The following PDE4D variants were observed in gnomAD, a reference collection of about 807,000 sequenced individuals.
The protein encoded by PDE4D is 3',5'-cyclic-AMP phosphodiesterase 4D.
PDE4D carries 24 observed loss-of-function variants against 87.4 expected under a neutral mutation model. The observed-to-expected ratio is 0.27, with a 90% CI of 0.20 to 0.39. The LOEUF is 0.39. PDE4D is among the 10% of genes least tolerant of loss of function. The pLI is 1.00. For synonymous variants in PDE4D, 384 were observed against 383.2 expected, an observed-to-expected ratio of 1.00 and a Z score of -0.02; for missense variants, 714 against 1,041.0, an observed-to-expected ratio of 0.69 and a Z score of 4.32.
At chr5:59,211,391 G>GTTGGCTGCA (rs372973307) in intron 2 of PDE4D, among the ~76,000 whole-genome samples, 2 of 152,134 alleles carry the variant, frequency 1.3e-5, no homozygotes, top group African/African-American at 4.8e-5. Flanking sequence ...TTCTCTAAGA[G>GTTGGCTGCA]TTGGCTGCAT....
At chr5:60,412,040 G>C (rs550183872) in intron 1 of PDE4D, among the ~76,000 whole-genome samples, 6 of 152,244 alleles carry the variant, frequency 3.9e-5, no homozygotes, top group Admixed American at 2.6e-4. Context: ...CTTTTTAGCT[G>C]AGGGTTTTTA....
At chr5:59,122,610 T>C (rs1774739958) in intron 5 of PDE4D, among the ~76,000 whole-genome samples, 1 of 152,236 alleles carries the variant, frequency 6.6e-6, no homozygotes, top group Non-Finnish European at 1.5e-5. Context: ...ATTATACATA[T>C]TGTGTATGTA....
intron 2 of PDE4D, among the ~76,000 whole-genome samples, chr5:60,120,806 A>G (rs1293398464): frequency 1.3e-5 from 2 of 152,154 alleles, no homozygotes; most frequent in South Asian, 2.1e-4. Flanking sequence ...CCACTGCGAT[A>G]GTTAACACTG....
intron 1 of PDE4D, among the ~76,000 whole-genome samples, chr5:59,361,056 T>C (rs1223390150): frequency 6.7e-6 from 1 of 150,374 alleles, no homozygotes; most frequent in Non-Finnish European, 1.5e-5. Flanking sequence ...CCATCTACAT[T>C]AATTTTAGGA....
chr5:60,358,998 C>T lies in PDE4D; in HGVS notation c.-90+128944G>A, dbSNP rs181167495. Among the ~76,000 whole-genome samples the T allele has an allele frequency of 3.3e-4, 50 of 152,286 alleles. No homozygotes were observed. In the East Asian group the frequency reaches 8.9e-3, roughly 27 times the overall value. On this transcript the variant is annotated intron_variant, in intron 1 of 16. Transcript: ENST00000502484. ...TTAATCAAAAGACATCAATTGGGCACTTATTATGTGTGGGTGACAAGGGTG... is the reference window on the plus strand; with the variant it reads ...TTAATCAAAAGACATCAATTGGGCATTTATTATGTGTGGGTGACAAGGGTG...
At chr5:59,558,238 T>G (rs763654727) in intron 1 of PDE4D, among the ~76,000 whole-genome samples, 1 of 152,062 alleles carries the variant, frequency 6.6e-6, no homozygotes, top group Non-Finnish European at 1.5e-5. Flanking sequence ...TTAAACAAAA[T>G]AAATAGGTAA....
intron 1 of PDE4D, among the ~76,000 whole-genome samples, chr5:60,327,219 C>G (rs1756880195): frequency 6.6e-6 from 1 of 152,120 alleles, no homozygotes; most frequent in South Asian, 2.1e-4. Flanking sequence ...AGTGGCCAAA[C>G]CTAAATGCTG....
chr5:59,249,994 C>T (rs1759603668), intron 1 of PDE4D, among the ~76,000 whole-genome samples: 1 of 151,692 alleles, frequency 6.6e-6, no homozygotes, highest in Non-Finnish European at 1.5e-5. Flanking sequence ...AGGGACACAC[C>T]ATAAAAAAAT....
intron 1 of PDE4D, among the ~76,000 whole-genome samples, chr5:60,368,102 A>T (rs907922107): frequency 1.3e-5 from 2 of 152,198 alleles, no homozygotes; most frequent in African/African-American, 4.8e-5. Context: ...CAAATATTTC[A>T]AAGAACAGAT....
Position 60,405,437 on chromosome 5 carries a change from T to C in PDE4D, c.-90+82505A>G, listed in dbSNP as rs992699876. On this transcript the variant is annotated intron_variant, in intron 1 of 16. Coordinates refer to the PDE4D transcript ENST00000502484. ...TTCAAAACTCAGGGGACTGAATCTG[T>C]AACTGGCGCAATTTTTGGCTCTATG... Among the ~76,000 whole-genome samples, 5 of 152,366 alleles carry C rather than the reference T, an allele frequency of 3.3e-5. No individual in the cohort carries two copies. The East Asian group carries it at 9.6e-4, about 29-fold the overall frequency.
intron 5 of PDE4D, 47 bp downstream of exon 5, chr5:59,180,548 T>A (rs761065903): frequency 6.6e-7 from 1 of 1,509,292 alleles, no homozygotes; most frequent in East Asian, 2.3e-5. Context: ...TTGGCAGAAA[T>A]GGTTTCTTCC....
intron 3 of PDE4D, among the ~76,000 whole-genome samples, chr5:59,189,254 T>TTTTTTTTTTTTTTTTTTTTTG (rs1743731835): frequency 1.7e-5 from 1 of 57,780 alleles, no homozygotes; most frequent in Non-Finnish European, 3.3e-5. Flanking sequence ...GTTTTTTTTG[T>TTTTTTTTTTTTTTTTTTTTTG]TTTTTTTTTT....
At chr5:59,869,641 T>C (rs949978341) in intron 1 of PDE4D, among the ~76,000 whole-genome samples, 5 of 152,194 alleles carry the variant, frequency 3.3e-5, no homozygotes, top group African/African-American at 1.2e-4. Flanking sequence ...ATGGTTCGTT[T>C]TCTCGTAATT....
chr5:60,422,680 A>G (rs939618018), intron 1 of PDE4D, among the ~76,000 whole-genome samples: 11 of 152,228 alleles, frequency 7.2e-5, no homozygotes, highest in African/African-American at 2.7e-4. Flanking sequence ...ACAGGATCAA[A>G]TTCACACATA....
chr5:60,310,498 A>C (rs962907888), intron 1 of PDE4D, among the ~76,000 whole-genome samples: 2 of 152,242 alleles, frequency 1.3e-5, no homozygotes, highest in African/African-American at 4.8e-5. Context: ...GTGGGTGTGT[A>C]GCAGAGACTG....
chr5:59,622,178 TATATGCACACAC>T (rs1830419093), intron 1 of PDE4D, among the ~76,000 whole-genome samples: 2 of 152,068 alleles, frequency 1.3e-5, no homozygotes, highest in Admixed American at 1.3e-4. Flanking sequence ...TTTATATATA[TATATGCACACAC>T]ATATGCACAC....
intron 1 of PDE4D, among the ~76,000 whole-genome samples, chr5:60,267,507 T>C (rs1471675256): frequency 6.6e-6 from 1 of 152,196 alleles, no homozygotes; most frequent in Admixed American, 6.5e-5. Flanking sequence ...AACTGTATAC[T>C]TCAGCAAAAT....
intron 1 of PDE4D, among the ~76,000 whole-genome samples, chr5:59,570,330 G>A (rs1027537374): frequency 4.6e-5 from 7 of 152,128 alleles, no homozygotes; most frequent in Non-Finnish European, 4.4e-5. Context: ...GCATTCCCAT[G>A]AGAAATATTA....
In PDE4D at chr5:60,117,787, C is replaced by G. The variant is rs191933177; in HGVS notation, c.42+67770G>C. On this transcript the variant is annotated intron_variant, in intron 2 of 16. Transcript: ENST00000502484. ...CTGATTACCCCTGCAGCTACCAACC[C>G]TCTTTCCTTTTTGCTACTAAACACA... is the stretch of plus-strand genomic sequence containing the variant. Among the ~76,000 whole-genome samples the G allele has an allele frequency of 3.1e-4, 47 of 151,770 alleles. 1 individual carries two copies. Among genetic ancestry groups the G allele is most frequent in the African/African-American group, 1.1e-3 (45 of 41,430 alleles).
Sources: gnomAD v4.1 joint callset for allele counts (sites outside exome capture counted in the v4.1 genomes callset) on GRCh38, gnomAD v4.1.1 for gene constraint, MANE v1.5 for transcripts, NCBI Gene and HGNC (gene_info 2026-07-23, HGNC 2026-07-21) for gene names.